ABCA3: variants seen among roughly 807,000 people sequenced by gnomAD.
ABCA3 encodes ATP binding cassette subfamily A member 3.
Under a neutral mutation model 172.8 loss-of-function variants are expected in ABCA3, and 88 were observed. The ratio of observed to expected loss-of-function variants is 0.51; its 90% CI spans 0.43 to 0.61. The LOEUF (loss-of-function observed/expected upper bound fraction) is 0.61. ABCA3 is among the 20% of genes least tolerant of loss of function. The probability of loss-of-function intolerance (pLI) is 0.00; values close to 1 mark genes in which losing one functional copy is unlikely to be tolerated. For synonymous variants in ABCA3, 1,066 were observed against 983.8 expected (o/e 1.08, Z -1.56); for missense variants, 2,164 against 2,301.0 (o/e 0.94, Z 1.22).
intron 10 of ABCA3, among the ~76,000 whole-genome samples, 194 bp from the exon 11 acceptor site, chr16:2,308,817 G>A (rs1187610804): frequency 1.3e-5 from 2 of 152,222 alleles, no homozygotes; most frequent in East Asian, 3.9e-4. Flanking sequence ...TTCTCCAAGT[G>A]AGTAGTGCCC....
rs116821013 is a variant in ABCA3, at chr16:2,323,426, C to A, written c.613+97G>T. ...AAGCCAAATGTCCTGAAAAGTATTT[C>A]TTCAAGAAATACTTTTGCAAAGTGG... On this transcript the variant is annotated intron_variant, in intron 7 of 32. Transcript: ENST00000301732. 1.9e-3 allele frequency: 2,910 copies of A among 1,507,540 alleles called. 45 individuals are homozygous for A. The African/African-American group carries it at 0.033, about 17-fold the overall frequency. 93.4% of individuals were successfully genotyped at this position (1,507,540 alleles called of 1,614,324 possible). A position where few individuals can be genotyped will look rare whatever the true frequency, so the allele number is the denominator to read the frequency against.
intron 20 of ABCA3, 98 bp from the exon 21 acceptor site, chr16:2,288,427 C>G: frequency 1.5e-6 from 2 of 1,378,898 alleles, no homozygotes; most frequent in South Asian, 2.7e-5. Context: ...TGACGCCAGC[C>G]TGGGGGCCTG....
Position 2,297,126 on chromosome 16 carries a change from T to A in ABCA3, c.2263+203A>T, listed in dbSNP as rs1377266962. On this transcript the variant is annotated intron_variant, in intron 17 of 32. Coordinates refer to ENST00000301732, the MANE Select transcript of ABCA3 (RefSeq NM_001089.3). The surrounding 1 kb of genome is among the most constrained non-coding windows in gnomAD (Gnocchi z 5.6). ...ATGGCTGAACCACATCCTAACCAAA[T>A]TGAGACTTTCAGCTCCATTTCCTGC... 6.6e-6 allele frequency among the ~76,000 whole-genome samples: 1 copy of A among 152,164 alleles called. No homozygotes were observed. The highest frequency in any genetic ancestry group is 2.1e-4 in the South Asian group (1 of 4,822).
intron 1 of ABCA3, among the ~76,000 whole-genome samples, chr16:2,330,969 G>C (rs192490321): frequency 6.6e-6 from 1 of 152,214 alleles, no homozygotes; most frequent in Non-Finnish European, 1.5e-5. Flanking sequence ...AAGAAACAAG[G>C]AGGAAATGCC....
Position 2,317,416 on chromosome 16 carries a change from G to A in ABCA3, c.991-13C>T. On this transcript the variant is annotated splice_polypyrimidine_tract_variant and intron_variant, in intron 9 of 32. Coordinates refer to ENST00000301732, the MANE Select transcript of ABCA3 (RefSeq NM_001089.3). ...CATTTGGCTTCACCTGCAGGGCACAGGCATGAGTCGGGCGTGGTGGGCCGG... is the reference window on the plus strand; with the variant it reads ...CATTTGGCTTCACCTGCAGGGCACAAGCATGAGTCGGGCGTGGTGGGCCGG... 4 of 1,613,336 alleles carry A rather than the reference G, an allele frequency of 2.5e-6. No homozygotes were observed. The highest frequency in any genetic ancestry group is 3.4e-6 in the Non-Finnish European group (4 of 1,179,972).
chr16:2,307,634 G>A (rs774860255), intron 11 of ABCA3, among the ~76,000 whole-genome samples: 6 of 151,936 alleles, frequency 3.9e-5, no homozygotes, highest in East Asian at 1.9e-4. Context: ...TTTTTGAGAC[G>A]GAGTCTTGTC....
At chr16:2,294,862 A>C (rs1249397463) in intron 18 of ABCA3, among the ~76,000 whole-genome samples, 1 of 152,082 alleles carries the variant, frequency 6.6e-6, no homozygotes, top group East Asian at 1.9e-4. Context: ...GCACGCCTGT[A>C]ATCCCAGCTA....
chr16:2,299,643 A>AC, intron 13 of ABCA3, 111 bp from the exon 14 acceptor site: 1 of 1,541,690 alleles, frequency 6.5e-7, no homozygotes, highest in South Asian at 1.1e-5. Flanking sequence ...GCCTAGCGTC[A>AC]CCATCAGTGT....
chr16:2,277,477 G>A lies in ABCA3; in HGVS notation c.4983+120C>T. On this transcript the variant is annotated intron_variant, in intron 32 of 32. Transcript: ENST00000301732. This position sits in a 1 kb window ranked among gnomAD's most constrained non-coding sequence, Gnocchi z 5.3. ...AGCACGTATCAGGCTGAGTGTTAGG[G>A]GAGAAATGGAAAGTGACTCCTCTGT... 9.6e-7 allele frequency: 1 copy of A among 1,041,162 alleles called. No individual in the cohort carries two copies. The highest frequency in any genetic ancestry group is 1.4e-5 in the South Asian group (1 of 73,916). The allele number at this position is 1,041,162 out of a possible 1,614,324, so 64.5% of individuals were successfully genotyped here.
intron 1 of ABCA3, among the ~76,000 whole-genome samples, chr16:2,332,129 T>C (rs138854222): frequency 3.7e-4 from 56 of 152,276 alleles, no homozygotes; most frequent in Admixed American, 7.8e-4. Context: ...CCAGTAACTG[T>C]TGTCAGCTCA....
Position 2,326,527 on chromosome 16 carries a change from G to A in ABCA3, c.-26-35C>T, listed in dbSNP as rs376926123. 4.1e-5 allele frequency: 64 copies of A among 1,567,530 alleles called. 1 individual carries two copies. Among genetic ancestry groups the A allele is most frequent in the African/African-American group, 1.2e-4 (9 of 73,974 alleles). On this transcript the variant is annotated intron_variant, in intron 3 of 32. Coordinates refer to ENST00000301732, the MANE Select transcript of ABCA3 (RefSeq NM_001089.3). ...GACCAAAGACAGAGAGTGTGGGTGC[G>A]CAATAGAAACACGCAGAGTGGGGAT...
Position 2,278,508 on chromosome 16 carries a change from T to G in ABCA3, c.4548-50A>C, listed in dbSNP as rs1284744140. The stretch of plus-strand genomic sequence containing the variant: ...GGGGAATAAGGCTGAGAGTTAGCAT[T>G]GGCTCCCATGTCCCAGTGGAGGCCC... On this transcript the variant is annotated intron_variant, in intron 29 of 32. Transcript: ENST00000301732. This position sits in a 1 kb window ranked among gnomAD's most constrained non-coding sequence, Gnocchi z 4.4. 6.3e-7 allele frequency: 1 copy of G among 1,599,098 alleles called. No homozygotes were observed. The highest frequency in any genetic ancestry group is 2.2e-5 in the East Asian group (1 of 44,828).
At position 2,298,442 on chromosome 16, in the gene ABCA3, G is replaced by C. The variant is rs146533411; in HGVS notation, c.1840C>G (p.His614Asp). 3 of 1,614,132 alleles carry C rather than the reference G, an allele frequency of 1.9e-6. No homozygotes were observed. The highest frequency in any genetic ancestry group is 1.7e-5 in the Admixed American group (1 of 60,024). ...IRKSLGLCPQ[H>D]DILFDNLTVA... ...GTCAAGTTGTCAAACAGGATGTCGT[G>C]CTGCGGGCACAGGCCCAGGCTCTTC... Residue 614 changes from histidine (H) to aspartate (D), a missense_variant, in exon 15 of 33, where the codon CAC becomes GAC. Physicochemically the swap from His to Asp is moderately conservative, Grantham distance 81. Transcript: ENST00000301732.
At chr16:2,310,726 GC>G (rs2093705411) in intron 10 of ABCA3, among the ~76,000 whole-genome samples, 1 of 151,890 alleles carries the variant, frequency 6.6e-6, no homozygotes, top group Admixed American at 6.6e-5. Context: ...TCGTCATGTT[GC>G]CCAGGCTGGG....
intron 19 of ABCA3, 117 bp from the exon 20 acceptor site, chr16:2,289,737 G>T: frequency 9.3e-7 from 1 of 1,077,976 alleles, no homozygotes; most frequent in Non-Finnish European, 1.3e-6. Context: ...GCTTGCTCAT[G>T]CATCTGCTTA....
intron 6 of ABCA3, among the ~76,000 whole-genome samples, chr16:2,324,154 G>A (rs1424273066): frequency 6.6e-6 from 1 of 152,210 alleles, no homozygotes; most frequent in Non-Finnish European, 1.5e-5. Flanking sequence ...GGAACAGAAA[G>A]GAGCTTGGGG....
Position 2,304,112 on chromosome 16 carries a change from T to C in ABCA3, c.1324A>G (p.Asn442Asp), listed in dbSNP as rs760464470. 1.1e-5 allele frequency: 18 copies of C among 1,614,136 alleles called. No homozygotes were observed. Among genetic ancestry groups the C allele is most frequent in the Non-Finnish European group, 1.5e-5 (18 of 1,180,032 alleles). The change falls in exon 12 of 33, where the codon AAC becomes GAC. Residue 442 changes from asparagine to aspartate, a missense_variant. This residue lies in a region of ABCA3 where 1,343 missense variants were observed against 1,369.6 expected (regional missense o/e 0.98). Coordinates refer to ENST00000301732, the MANE Select transcript of ABCA3 (RefSeq NM_001089.3). Reference protein sequence around the residue: ...IQWRDLLSPVNVDDDFCFGQV... With the variant: ...IQWRDLLSPVDVDDDFCFGQV... ...CCGAAGCAGAAGTCGTCGTCCACGTTGACGGGACTCAGGAGGTCTCGCCAC... is the reference window on the plus strand; with the variant it reads ...CCGAAGCAGAAGTCGTCGTCCACGTCGACGGGACTCAGGAGGTCTCGCCAC...
At chr16:2,318,402 G>A (rs917209637) in intron 8 of ABCA3, among the ~76,000 whole-genome samples, 2 of 152,174 alleles carry the variant, frequency 1.3e-5, no homozygotes, top group Non-Finnish European at 2.9e-5. Context: ...GTCCTGGGGC[G>A]GCCACACTGA....
chr16:2,303,703 G>T (rs1296951365), intron 12 of ABCA3, among the ~76,000 whole-genome samples: 3 of 152,180 alleles, frequency 2.0e-5, no homozygotes, highest in African/African-American at 7.2e-5. Flanking sequence ...TGCAGAGAGG[G>T]GCCAGAGCAG....
Sources: gnomAD v4.1 joint callset for allele counts (sites outside exome capture counted in the v4.1 genomes callset) on GRCh38, gnomAD v4.1.1 for gene constraint, gnomAD v4.1.1 regional missense constraint, Gnocchi (gnomAD v3.1) non-coding constraint, MANE v1.5 for transcripts, NCBI Gene and HGNC (gene_info 2026-07-23, HGNC 2026-07-21) for gene names.